DNM3: variants seen among roughly 807,000 people sequenced by gnomAD.
DNM3 encodes dynamin 3, also known as dynamin-3.
DNM3 carries 47 observed loss-of-function variants against 101.6 expected under a neutral mutation model. The observed-to-expected ratio is 0.46, with a 90% CI of 0.37 to 0.59. The LOEUF (loss-of-function observed/expected upper bound fraction) is 0.59, where lower values mean the gene tolerates loss of function less well. Among genes scored for constraint, DNM3 ranks in the 20% least tolerant of loss-of-function variants. The pLI is 0.00. For synonymous variants in DNM3, 385 were observed against 387.9 expected, an observed-to-expected ratio of 0.99 and a Z score of 0.09; for missense variants, 849 against 1,085.7, an observed-to-expected ratio of 0.78 and a Z score of 3.06.
chr1:172,162,643 T>C (rs2058585846), intron 14 of DNM3, among the ~76,000 whole-genome samples: 1 of 152,128 alleles, frequency 6.6e-6, no homozygotes, highest in African/African-American at 2.4e-5. Flanking sequence ...ATATTGCTAA[T>C]TTTAAAGTGT....
At chr1:172,024,281 TA>T (rs1221177251) in intron 4 of DNM3, among the ~76,000 whole-genome samples, 1 of 152,150 alleles carries the variant, frequency 6.6e-6, no homozygotes, top group Admixed American at 6.5e-5. Flanking sequence ...AGAAACCATG[TA>T]AAAAAACTGT....
Position 172,386,628 on chromosome 1 carries a change from T to A in DNM3, c.2059-505T>A, listed in dbSNP as rs534712689. Among the ~76,000 whole-genome samples the A allele has an allele frequency of 2.0e-5, 3 of 152,356 alleles. No homozygotes were observed. The East Asian group carries it at 5.8e-4, about 29-fold the overall frequency. On this transcript the variant is annotated intron_variant, in intron 18 of 20. Transcript: ENST00000627582. ...ATTCACTTACTGGTGCTAATTTCAC[T>A]TTTGAGACGACACTGAAACTTGGCA... is the stretch of plus-strand genomic sequence containing the variant.
intron 4 of DNM3, among the ~76,000 whole-genome samples, chr1:172,019,084 CTTCCTTTG>C (rs769841986): frequency 7.1e-6 from 1 of 141,380 alleles, no homozygotes; most frequent in Non-Finnish European, 1.5e-5. Context: ...TTCTTCCTTT[CTTCCTTTG>C]TTCCTTCCTT....
intron 14 of DNM3, among the ~76,000 whole-genome samples, chr1:172,223,295 A>T (rs2060980321): frequency 2.1e-5 from 3 of 145,666 alleles, no homozygotes. Context: ...TTTTACTATC[A>T]ACAGAACCTC....
chr1:172,157,368 C>G (rs2058379775), intron 14 of DNM3, among the ~76,000 whole-genome samples: 1 of 152,046 alleles, frequency 6.6e-6, no homozygotes, highest in South Asian at 2.1e-4. Context: ...ATATGTATGG[C>G]CTGGTTCTTA....
At position 172,032,328 on chromosome 1, in the gene DNM3, G is replaced by A; in HGVS notation, c.590-74G>A. On this transcript the variant is annotated intron_variant, in intron 4 of 20. Coordinates refer to ENST00000627582, the MANE Select transcript of DNM3 (RefSeq NM_015569.5). ...ACCAGGAAAATGTGCTTTACATTTA[G>A]CATTGTGACATATATGTCTAAAATT... 11 of 1,048,608 alleles carry A rather than the reference G, an allele frequency of 1.0e-5. No individual in the cohort carries two copies. In the South Asian group the frequency reaches 1.4e-4, roughly 14 times the overall value. 65.0% of individuals were successfully genotyped at this position (1,048,608 alleles called of 1,614,324 possible).
intron 1 of DNM3, among the ~76,000 whole-genome samples, chr1:171,916,426 C>T (rs910417145): frequency 7.2e-5 from 11 of 152,158 alleles, no homozygotes; most frequent in Non-Finnish European, 1.5e-4. Context: ...TACCATTGTT[C>T]AACCAGCTAC....
At chr1:172,372,464 A>G (rs548632783) in intron 17 of DNM3, among the ~76,000 whole-genome samples, 1 of 152,054 alleles carries the variant, frequency 6.6e-6, no homozygotes, top group African/African-American at 2.4e-5. Context: ...TGTTATGTGA[A>G]GCTATCTTAT....
chr1:172,049,153 C>T (rs2050026713), intron 10 of DNM3, among the ~76,000 whole-genome samples: 1 of 152,096 alleles, frequency 6.6e-6, no homozygotes, highest in Admixed American at 6.6e-5. Context: ...ATGTATTCCA[C>T]TTGAGTCTGG....
chr1:172,079,981 TC>T (rs1208177580), intron 11 of DNM3, among the ~76,000 whole-genome samples: 1 of 152,198 alleles, frequency 6.6e-6, no homozygotes, highest in Non-Finnish European at 1.5e-5. Context: ...TGCTGCCTGT[TC>T]CTTCCTCTGG....
chr1:172,246,347 A>T (rs1274845610), intron 14 of DNM3, among the ~76,000 whole-genome samples: 2 of 152,004 alleles, frequency 1.3e-5, no homozygotes, highest in Non-Finnish European at 2.9e-5. Flanking sequence ...TCCACTTTTT[A>T]ATCTATTTAA....
At chr1:171,884,119 G>T (rs1049842295) in intron 1 of DNM3, among the ~76,000 whole-genome samples, 7 of 152,150 alleles carry the variant, frequency 4.6e-5, no homozygotes, top group Admixed American at 3.9e-4. Context: ...AACTTCTAGG[G>T]CCCTGAGAGA....
Position 172,019,491 on chromosome 1 carries a change from G to A in DNM3, c.590-12911G>A, listed in dbSNP as rs140231249. On this transcript the variant is annotated intron_variant, in intron 4 of 20. Transcript: ENST00000627582. ...GGGGGCATTTATCCCACTTGCTGTC[G>A]GAGCTTCCTGAACCTGTGGTTTGAT... Among the ~76,000 whole-genome samples the A allele has an allele frequency of 6.8e-3, 1,026 of 151,046 alleles. 4 individuals are homozygous for A. The highest frequency in any genetic ancestry group is 0.011 in the South Asian group (54 of 4,758).
chr1:172,028,892 A>G (rs369007469), intron 4 of DNM3, among the ~76,000 whole-genome samples: 9 of 152,106 alleles, frequency 5.9e-5, no homozygotes, highest in Middle Eastern at 6.3e-3. Flanking sequence ...ACCAATAGCA[A>G]GTCTGAAATT....
chr1:171,978,134 GGGGTA>G (rs2044514742), intron 2 of DNM3, among the ~76,000 whole-genome samples: 1 of 152,096 alleles, frequency 6.6e-6, no homozygotes. Context: ...AAATACAGCA[GGGGTA>G]AGACAGATAA....
chr1:171,970,154 G>C, intron 2 of DNM3: 2 of 550,266 alleles, frequency 3.6e-6, no homozygotes, highest in Non-Finnish European at 4.6e-6. Context: ...TTTTATCGAT[G>C]GAATACTTTG....
chr1:171,994,219 CT>C, intron 4 of DNM3, among the ~76,000 whole-genome samples: 1 of 152,184 alleles, frequency 6.6e-6, no homozygotes, highest in Non-Finnish European at 1.5e-5. Context: ...TGTGGCAGCA[CT>C]AGAAACCAGA....
intron 14 of DNM3, chr1:172,138,210 A>G (rs1165903798): frequency 6.6e-6 from 1 of 152,130 alleles, no homozygotes; most frequent in Non-Finnish European, 1.5e-5. Flanking sequence ...AGTTGGAAAT[A>G]GTAGTCTTTT....
At chr1:172,098,618 T>C (rs768310834) in intron 13 of DNM3, among the ~76,000 whole-genome samples, 20 of 152,276 alleles carry the variant, frequency 1.3e-4, no homozygotes, top group Non-Finnish European at 2.1e-4. Context: ...AGGGTATTGA[T>C]TGGGGAAGTG....
Sources: allele counts gnomAD v4.1 joint callset (sites outside exome capture counted in the v4.1 genomes callset), GRCh38; gene constraint gnomAD v4.1.1; transcripts MANE v1.5; gene names NCBI Gene and HGNC (gene_info 2026-07-23, HGNC 2026-07-21).